Variants in SLIT3 observed in about 807,000 individuals in gnomAD.
SLIT3 encodes the protein slit homolog 3 protein.
Under a neutral mutation model 184.0 loss-of-function variants are expected in SLIT3, and 68 were observed. That is an observed-to-expected ratio of 0.37 (90% CI 0.30 to 0.45). The LOEUF (loss-of-function observed/expected upper bound fraction) is 0.45, where lower values mean the gene tolerates loss of function less well. SLIT3 is among the 20% of genes least tolerant of loss of function. SLIT3 has a pLI of 1.00. For synonymous variants in SLIT3, 831 were observed against 828.6 expected (o/e 1.00, Z -0.05); for missense variants, 1,707 against 2,026.0 (o/e 0.84, Z 3.02).
At chr5:169,007,496 G>A (rs181161544) in intron 4 of SLIT3, among the ~76,000 whole-genome samples, 33 of 152,336 alleles carry the variant, frequency 2.2e-4, no homozygotes, top group Admixed American at 1.9e-3. Context: ...GTTAAAATAA[G>A]ATTAGGTTGA....
At chr5:168,676,235 A>G (rs1252002904) in intron 32 of SLIT3, among the ~76,000 whole-genome samples, 2 of 152,148 alleles carry the variant, frequency 1.3e-5, no homozygotes, top group Non-Finnish European at 2.9e-5. Context: ...AGTGTCTGCT[A>G]TGGGCCACCT....
At chr5:168,875,329 G>C (rs1759692518) in intron 5 of SLIT3, among the ~76,000 whole-genome samples, 1 of 151,356 alleles carries the variant, frequency 6.6e-6, no homozygotes, top group Non-Finnish European at 1.5e-5. Context: ...AGGAAGGAGG[G>C]AGAAATGAAA....
At chr5:168,830,045 G>A (rs1205201972) in intron 6 of SLIT3, among the ~76,000 whole-genome samples, 2 of 152,176 alleles carry the variant, frequency 1.3e-5, no homozygotes, top group Non-Finnish European at 2.9e-5. Flanking sequence ...GCCAACATGG[G>A]ACCAGGAATC....
At chr5:168,863,154 A>G (rs1328273354) in intron 5 of SLIT3, among the ~76,000 whole-genome samples, 1 of 152,236 alleles carries the variant, frequency 6.6e-6, no homozygotes, top group African/African-American at 2.4e-5. Flanking sequence ...TGATGATTGA[A>G]TAATGACTCA....
At chr5:168,702,367 A>T (rs1762242416) in intron 26 of SLIT3, among the ~76,000 whole-genome samples, 1 of 152,208 alleles carries the variant, frequency 6.6e-6, no homozygotes, top group Non-Finnish European at 1.5e-5. Context: ...TATGGCCAAG[A>T]TCGCACAGCA....
At chr5:168,716,095 G>A (rs1174362631) in intron 23 of SLIT3, among the ~76,000 whole-genome samples, 1 of 152,250 alleles carries the variant, frequency 6.6e-6, no homozygotes, top group East Asian at 1.9e-4. Context: ...AGCCTCCTGA[G>A]TAGCTGGGAC....
At chr5:168,807,776 T>C (rs572179942) in intron 8 of SLIT3, among the ~76,000 whole-genome samples, 1 of 152,134 alleles carries the variant, frequency 6.6e-6, no homozygotes. Context: ...CCCTGTTCAC[T>C]GGAGAAACTG....
At chr5:169,268,689 C>A (rs756095325) in intron 1 of SLIT3, among the ~76,000 whole-genome samples, 7 of 152,200 alleles carry the variant, frequency 4.6e-5, no homozygotes, top group Non-Finnish European at 7.3e-5. Context: ...TTTGGGCAAA[C>A]CACCCTTATC....
At chr5:169,276,900 G>A (rs1279358969) in intron 1 of SLIT3, among the ~76,000 whole-genome samples, 3 of 151,792 alleles carry the variant, frequency 2.0e-5, no homozygotes, top group Admixed American at 6.5e-5. Flanking sequence ...TTTTAAAACT[G>A]TAAAATCTAC....
intron 4 of SLIT3, among the ~76,000 whole-genome samples, chr5:169,086,664 G>A (rs1475481678): frequency 6.6e-6 from 1 of 152,202 alleles, no homozygotes; most frequent in Admixed American, 6.5e-5. Flanking sequence ...CTTAACTCCT[G>A]CTGGTGATTA....
At chr5:168,825,022 A>C (rs1378569410) in intron 6 of SLIT3, among the ~76,000 whole-genome samples, 1 of 151,980 alleles carries the variant, frequency 6.6e-6, no homozygotes, top group African/African-American at 2.4e-5. Context: ...AAATCCTACT[A>C]CTTCCGAATT....
At chr5:169,049,027 G>A (rs961609928) in intron 4 of SLIT3, among the ~76,000 whole-genome samples, 1 of 152,174 alleles carries the variant, frequency 6.6e-6, no homozygotes, top group Non-Finnish European at 1.5e-5. Context: ...TGACTGAATG[G>A]AGAGAATAGT....
At chr5:169,262,613 G>A (rs1766231008) in intron 1 of SLIT3, among the ~76,000 whole-genome samples, 1 of 152,116 alleles carries the variant, frequency 6.6e-6, no homozygotes, top group African/African-American at 2.4e-5. Context: ...CAATTTAAGA[G>A]CCCTCAGCCT....
At chr5:168,859,189 A>G (rs1470405806) in intron 5 of SLIT3, among the ~76,000 whole-genome samples, 2 of 152,164 alleles carry the variant, frequency 1.3e-5, no homozygotes, top group Non-Finnish European at 2.9e-5. Flanking sequence ...GACGGGGTCT[A>G]TCTTGGTCAT....
At chr5:169,178,372 G>A (rs1425821385) in intron 4 of SLIT3, among the ~76,000 whole-genome samples, 3 of 152,196 alleles carry the variant, frequency 2.0e-5, no homozygotes, top group African/African-American at 7.2e-5. Flanking sequence ...TGTAAAATGA[G>A]GGCATTGATA....
rs533631010 is a variant in SLIT3, at chr5:168,740,974, G to A, written c.2270+7328C>T. On this transcript the variant is annotated intron_variant, in intron 20 of 35. Transcript: ENST00000519560. ...CAGCCCCGTCCCATGGCACAGCCCG[G>A]TCCAAGGGAAGGGCAGGAAGCTCAC... Among the ~76,000 whole-genome samples, 32 of 152,272 alleles carry A rather than the reference G, an allele frequency of 2.1e-4. 1 individual carries two copies. In the South Asian group the frequency reaches 5.4e-3, roughly 26 times the overall value.
At chr5:169,180,006 A>G (rs1157569446) in intron 4 of SLIT3, among the ~76,000 whole-genome samples, 2 of 152,330 alleles carry the variant, frequency 1.3e-5, no homozygotes, top group African/African-American at 4.8e-5. Flanking sequence ...AAACAAATAA[A>G]TGAGCAAAAA....
chr5:168,722,835 T>G (rs1383365987), intron 22 of SLIT3, 98 bp downstream of exon 22: 1 of 911,780 alleles, frequency 1.1e-6, no homozygotes, highest in Admixed American at 1.7e-5. Context: ...TGAGGGTCAT[T>G]AGGGCAGAGA....
At chr5:168,952,528 C>CAAAAAAAAAAAAAAAAAAAAAAAAAA (rs372134778) in intron 4 of SLIT3, among the ~76,000 whole-genome samples, 6 of 77,928 alleles carry the variant, frequency 7.7e-5, no homozygotes, top group African/African-American at 3.5e-4. Flanking sequence ...GGGAAAATGC[C>CAAAAAAAAAAAAAAAAAAAAAAAAAA]AAAAAAAAAA....
Sources: gnomAD v4.1 joint callset for allele counts (sites outside exome capture counted in the v4.1 genomes callset) on GRCh38, gnomAD v4.1.1 for gene constraint, MANE v1.5 for transcripts, NCBI Gene and HGNC (gene_info 2026-07-23, HGNC 2026-07-21) for gene names.